TNIK: variants seen among roughly 807,000 people sequenced by gnomAD.
TNIK encodes the protein TRAF2 and NCK-interacting protein kinase.
Under a neutral mutation model 191.3 loss-of-function variants are expected in TNIK, and 49 were observed. That is an observed-to-expected ratio of 0.26 (90% CI 0.20 to 0.32). The LOEUF (loss-of-function observed/expected upper bound fraction) is 0.32. Ranked by LOEUF, TNIK falls within the 10% of genes least tolerant of loss-of-function variation. TNIK has a pLI of 1.00. For missense variants in TNIK, 1,155 were observed against 1,702.3 expected, an observed-to-expected ratio of 0.68 and a Z score of 5.66; for synonymous variants, 594 against 600.9, an observed-to-expected ratio of 0.99 and a Z score of 0.17.
intron 1 of TNIK, among the ~76,000 whole-genome samples, chr3:171,376,218 G>A (rs1717192078): frequency 6.6e-6 from 1 of 152,150 alleles, no homozygotes; most frequent in Non-Finnish European, 1.5e-5. Context: ...GAGGCTTCAG[G>A]CTTTTCAACA....
At chr3:171,138,850 T>C (rs1304064082) in intron 14 of TNIK, among the ~76,000 whole-genome samples, 1 of 152,150 alleles carries the variant, frequency 6.6e-6, no homozygotes, top group East Asian at 1.9e-4. Context: ...ACAAAGGCCA[T>C]TAGCAAGCTT....
At position 171,244,060 on chromosome 3, in the gene TNIK, GTT is replaced by G. The variant is rs34724564; in HGVS notation, c.124-15841_124-15840del. On this transcript the variant is annotated intron_variant, in intron 2 of 32. Transcript: ENST00000436636. ...TTTGTTTTTTTTAGAGACAGAAATAGTTTTTTTTTTTTTTTTTTAAGACAGAG... is the reference window on the plus strand; with the variant it reads ...TTTGTTTTTTTTAGAGACAGAAATAGTTTTTTTTTTTTTTTTAAGACAGAG... Among the ~76,000 whole-genome samples the G allele has an allele frequency of 2.0e-4, 27 of 135,908 alleles. No individual in the cohort carries two copies. The South Asian group carries it at 2.6e-3, about 13-fold the overall frequency. 89.2% of individuals were successfully genotyped at this position (135,908 alleles called of 152,430 possible).
chr3:171,460,058 C>T lies in TNIK; in HGVS notation c.6G>A (p.Ala2=), dbSNP rs767225908. 5 of 1,606,892 alleles carry T rather than the reference C, an allele frequency of 3.1e-6. No individual in the cohort carries two copies. Among genetic ancestry groups the T allele is most frequent in the East Asian group, 2.2e-5 (1 of 44,712 alleles). The change falls in exon 1 of 33, where the codon GCG becomes GCA. Residue 2 remains alanine, a synonymous_variant. Transcript: ENST00000436636. The surrounding 1 kb of genome is among the most constrained non-coding windows in gnomAD (Gnocchi z 6.8). M[A]SDSPARSLDE... ...CCAGGCTTCGAGCCGGGGAGTCGCT[C>T]GCCATGTCTACTTCTTCGCTGGAGA...
intron 1 of TNIK, among the ~76,000 whole-genome samples, chr3:171,396,952 C>T (rs1445637118): frequency 6.6e-6 from 1 of 152,126 alleles, no homozygotes; most frequent in African/African-American, 2.4e-5. Context: ...TAGGTACAGA[C>T]AATTTTTTCA....
At chr3:171,400,337 A>C (rs1008929357) in intron 1 of TNIK, among the ~76,000 whole-genome samples, 3 of 152,060 alleles carry the variant, frequency 2.0e-5, no homozygotes, top group Non-Finnish European at 2.9e-5. Context: ...GGCCAAGGCG[A>C]GAGGATTGCT....
chr3:171,241,918 C>CA (rs1745034909), intron 2 of TNIK, among the ~76,000 whole-genome samples: 1 of 146,616 alleles, frequency 6.8e-6, no homozygotes, highest in South Asian at 2.2e-4. Context: ...ATTGCAAGGA[C>CA]AAAAAACCAA....
rs138529524 is a variant in TNIK at position 171,321,737 on chromosome 3, T to C, written c.123+47883A>G. Among the ~76,000 whole-genome samples, 10 of 152,268 alleles carry C rather than the reference T, an allele frequency of 6.6e-5. No individual in the cohort carries two copies. In the East Asian group the frequency reaches 1.9e-3, roughly 29 times the overall value. On this transcript the variant is annotated intron_variant, in intron 2 of 32. Coordinates refer to ENST00000436636, the MANE Select transcript of TNIK (RefSeq NM_015028.4). ...ATTAACACACCAGGCGGGAAGGGAA[T>C]GATAGAAAGTAGCGAGATATGAAAT... is the stretch of plus-strand genomic sequence containing the variant.
intron 25 of TNIK, 110 bp from the exon 26 acceptor site, chr3:171,084,435 G>A: frequency 2.4e-6 from 3 of 1,272,200 alleles, no homozygotes; most frequent in Non-Finnish European, 3.2e-6. Flanking sequence ...TATAGTAAAG[G>A]CAAGGAAACT....
chr3:171,256,760 T>C (rs16856054), intron 2 of TNIK, among the ~76,000 whole-genome samples: 9,938 of 152,144 alleles, frequency 0.065, 371 homozygotes, highest in Middle Eastern at 0.12. Flanking sequence ...GGAGTTTCTT[T>C]TTGACTGCAG....
intron 2 of TNIK, among the ~76,000 whole-genome samples, chr3:171,239,828 G>A (rs985986609): frequency 3.9e-5 from 6 of 152,142 alleles, no homozygotes; most frequent in African/African-American, 1.2e-4. Context: ...TGGGAAGCTA[G>A]TTGCTGGGAG....
intron 4 of TNIK, among the ~76,000 whole-genome samples, chr3:171,209,064 G>GGGGTGT (rs141041586): frequency 7.7e-5 from 11 of 142,118 alleles, no homozygotes; most frequent in Admixed American, 3.5e-4. Context: ...CTTTGGAAGG[G>GGGGTGT]GTGTGTGTGT....
At chr3:171,193,464 G>C (rs1388519828) in intron 5 of TNIK, among the ~76,000 whole-genome samples, 1 of 152,122 alleles carries the variant, frequency 6.6e-6, no homozygotes, top group Non-Finnish European at 1.5e-5. Flanking sequence ...CATTTATTAA[G>C]GTCTTCTTTA....
At chr3:171,091,934 T>TTTTCTTTCTTTC (rs144018156) in intron 23 of TNIK, among the ~76,000 whole-genome samples, 1 of 148,516 alleles carries the variant, frequency 6.7e-6, no homozygotes, top group Non-Finnish European at 1.5e-5. Flanking sequence ...GCAAATGCTA[T>TTTTCTTTCTTTC]TTTCTTTCTT....
chr3:171,067,672 C>CAAA (rs750331814), intron 30 of TNIK, among the ~76,000 whole-genome samples: 153 of 78,714 alleles, frequency 1.9e-3, no homozygotes, highest in African/African-American at 6.7e-3. Flanking sequence ...ACTCCGTATC[C>CAAA]AAAAAAAAAA....
intron 1 of TNIK, among the ~76,000 whole-genome samples, chr3:171,380,455 G>C (rs1468803857): frequency 6.6e-6 from 1 of 152,154 alleles, no homozygotes; most frequent in Non-Finnish European, 1.5e-5. Context: ...GCCTTAACGG[G>C]ACCATTCCCC....
chr3:171,175,795 A>C (rs528291113), intron 8 of TNIK, among the ~76,000 whole-genome samples: 1 of 152,200 alleles, frequency 6.6e-6, no homozygotes, highest in Admixed American at 6.5e-5. Context: ...TGTTATCTAC[A>C]CAGATTTTTG....
intron 15 of TNIK, among the ~76,000 whole-genome samples, chr3:171,137,968 C>CAAAAAAAAA (rs58897378): frequency 1.5e-4 from 18 of 119,480 alleles, no homozygotes; most frequent in Non-Finnish European, 2.5e-4. Context: ...CAAAGATATA[C>CAAAAAAAAA]AAAAAAAAAA....
chr3:171,439,299 G>T (rs559960705), intron 1 of TNIK, among the ~76,000 whole-genome samples: 3 of 150,978 alleles, frequency 2.0e-5, no homozygotes, highest in Admixed American at 2.0e-4. Flanking sequence ...AGCTGAGATG[G>T]TGCCACTGCA....
At chr3:171,274,142 C>T (rs1020572048) in intron 2 of TNIK, among the ~76,000 whole-genome samples, 4 of 152,184 alleles carry the variant, frequency 2.6e-5, no homozygotes, top group African/African-American at 9.7e-5. Context: ...GAAGACCAAC[C>T]TGTGAGCATT....
Sources: gnomAD v4.1 joint callset for allele counts (sites outside exome capture counted in the v4.1 genomes callset) on GRCh38, gnomAD v4.1.1 for gene constraint, Gnocchi (gnomAD v3.1) non-coding constraint, MANE v1.5 for transcripts, NCBI Gene and HGNC (gene_info 2026-07-23, HGNC 2026-07-21) for gene names.